Variants in IQCM observed in about 807,000 individuals in gnomAD.
The protein encoded by IQCM is IQ motif containing M, also known as IQ domain-containing protein M.
IQCM carries 45 observed loss-of-function variants against 57.6 expected under a neutral mutation model. That is an observed-to-expected ratio of 0.78 (90% CI 0.62 to 1.00). The LOEUF (loss-of-function observed/expected upper bound fraction) is 1.00. Ranked by LOEUF, IQCM falls within the 50% of genes least tolerant of loss-of-function variation. The probability of loss-of-function intolerance (pLI) is 0.00; values close to 1 mark genes in which losing one functional copy is unlikely to be tolerated. For missense variants in IQCM, 468 were observed against 511.6 expected, an observed-to-expected ratio of 0.91 and a Z score of 0.82; for synonymous variants, 148 against 158.9, an observed-to-expected ratio of 0.93 and a Z score of 0.51.
chr4:149,394,819 T>A (rs1732114620), intron 13 of IQCM, among the ~76,000 whole-genome samples: 1 of 152,052 alleles, frequency 6.6e-6, no homozygotes, highest in Admixed American at 6.6e-5. Context: ...AATCTCTTCA[T>A]CTTGGGGAAA....
At chr4:149,398,286 T>C (rs1732371539) in intron 13 of IQCM, among the ~76,000 whole-genome samples, 1 of 152,030 alleles carries the variant, frequency 6.6e-6, no homozygotes, top group South Asian at 2.1e-4. Flanking sequence ...GTAATATATT[T>C]TGAAGTCAGA....
rs112870130 is a variant in IQCM, at chr4:149,812,501, CAG to C, written c.-49+2808_-49+2809del. 1.7e-3 allele frequency among the ~76,000 whole-genome samples: 241 copies of C among 138,036 alleles called. 1 individual carries two copies. The highest frequency in any genetic ancestry group is 7.2e-3 in the Middle Eastern group (2 of 276). 90.6% of individuals were successfully genotyped at this position (138,036 alleles called of 152,430 possible). On this transcript the variant is annotated intron_variant, in intron 2 of 13. Coordinates refer to ENST00000636793, the MANE Select transcript of IQCM (RefSeq NM_001363507.2). ...TCTCTCACACACACACACACACACACAGACACACACACACACACACACACACA... is the reference window on the plus strand; with the variant it reads ...TCTCTCACACACACACACACACACACACACACACACACACACACACACACA...
chr4:149,420,327 A>G (rs144651219), intron 13 of IQCM, among the ~76,000 whole-genome samples: 4 of 152,020 alleles, frequency 2.6e-5, no homozygotes, highest in Non-Finnish European at 5.9e-5. Context: ...AAGAAACAAG[A>G]TCATGTCCTT....
At chr4:149,512,933 T>A (rs952630653) in intron 12 of IQCM, among the ~76,000 whole-genome samples, 4 of 152,152 alleles carry the variant, frequency 2.6e-5, no homozygotes, top group African/African-American at 9.7e-5. Context: ...AGGCTTATAT[T>A]TGGGTCCATA....
At chr4:149,400,408 T>C (rs1195104846) in intron 13 of IQCM, among the ~76,000 whole-genome samples, 2 of 152,050 alleles carry the variant, frequency 1.3e-5, no homozygotes, top group Non-Finnish European at 2.9e-5. Context: ...ATGACACTAA[T>C]TCTAGATTGT....
intron 12 of IQCM, among the ~76,000 whole-genome samples, chr4:149,491,669 T>C (rs1347478031): frequency 1.3e-5 from 2 of 152,126 alleles, no homozygotes; most frequent in Non-Finnish European, 2.9e-5. Flanking sequence ...TATGGATACT[T>C]AGGTTGATTC....
intron 10 of IQCM, among the ~76,000 whole-genome samples, chr4:149,560,931 CAA>C (rs1393069754): frequency 1.3e-5 from 2 of 152,142 alleles, no homozygotes; most frequent in African/African-American, 4.8e-5. Context: ...AGAAAGTTAT[CAA>C]GAATTCCCCC....
At chr4:149,424,404 G>C (rs771897532) in intron 13 of IQCM, among the ~76,000 whole-genome samples, 10 of 141,656 alleles carry the variant, frequency 7.1e-5, no homozygotes, top group Non-Finnish European at 1.3e-4. Flanking sequence ...TTAAATTGAG[G>C]AATATGGCAT....
chr4:149,477,225 T>C lies in IQCM; in HGVS notation c.1229-43668A>G, dbSNP rs543570670. Among the ~76,000 whole-genome samples the C allele has an allele frequency of 3.9e-5, 6 of 152,326 alleles. No homozygotes were observed. The South Asian group carries it at 1.2e-3, about 32-fold the overall frequency. On this transcript the variant is annotated intron_variant, in intron 12 of 13. Transcript: ENST00000636793. ...CCACCTTTGATAAATCAATTGATGA[T>C]GTTCATTTGGAGCTTATCTTAGACT...
At chr4:149,560,918 A>G (rs1164048997) in intron 10 of IQCM, among the ~76,000 whole-genome samples, 2 of 152,144 alleles carry the variant, frequency 1.3e-5, no homozygotes, top group African/African-American at 4.8e-5. Context: ...CACCCTCTAG[A>G]GCAGAAAGTT....
At chr4:149,446,431 T>A (rs1458388225) in intron 12 of IQCM, among the ~76,000 whole-genome samples, 1 of 151,764 alleles carries the variant, frequency 6.6e-6, no homozygotes, top group Non-Finnish European at 1.5e-5. Flanking sequence ...TTTTGAACAA[T>A]AATAGAAATT....
intron 12 of IQCM, among the ~76,000 whole-genome samples, chr4:149,516,513 T>G (rs903505879): frequency 6.6e-6 from 1 of 152,204 alleles, no homozygotes; most frequent in African/African-American, 2.4e-5. Context: ...GAATGGCCTA[T>G]TGAAGTCACA....
intron 13 of IQCM, among the ~76,000 whole-genome samples, chr4:149,392,634 C>T (rs1731946629): frequency 1.3e-5 from 2 of 151,936 alleles, no homozygotes; most frequent in South Asian, 2.1e-4. Context: ...ACTCCAGACT[C>T]AGAAATTAAT....
chr4:149,645,343 T>C (rs1758544390), intron 7 of IQCM, among the ~76,000 whole-genome samples: 1 of 152,252 alleles, frequency 6.6e-6, no homozygotes, highest in Non-Finnish European at 1.5e-5. Context: ...AGAAATCCTG[T>C]CCTACTGCAA....
intron 12 of IQCM, among the ~76,000 whole-genome samples, chr4:149,540,991 A>C (rs2149876460): frequency 6.6e-6 from 1 of 152,232 alleles, no homozygotes; most frequent in African/African-American, 2.4e-5. Context: ...TTCAGTCTTA[A>C]ATTTTTTCTA....
chr4:149,671,837 G>A (rs536607975), intron 7 of IQCM, among the ~76,000 whole-genome samples: 4 of 152,316 alleles, frequency 2.6e-5, no homozygotes, highest in African/African-American at 9.6e-5. Context: ...ACTGTGATCT[G>A]AGAGACAGTT....
At chr4:149,671,180 G>A (rs888063815) in intron 7 of IQCM, among the ~76,000 whole-genome samples, 3 of 152,068 alleles carry the variant, frequency 2.0e-5, no homozygotes, top group African/African-American at 7.2e-5. Flanking sequence ...GGTCTATTCA[G>A]GGATTCAACT....
chr4:149,517,457 A>G (rs1250492392), intron 12 of IQCM, among the ~76,000 whole-genome samples: 1 of 152,110 alleles, frequency 6.6e-6, no homozygotes, highest in East Asian at 1.9e-4. Flanking sequence ...TGTGCGAAGG[A>G]GAGTTGTATT....
intron 9 of IQCM, among the ~76,000 whole-genome samples, chr4:149,566,997 T>A (rs1298774100): frequency 6.6e-6 from 1 of 152,190 alleles, no homozygotes; most frequent in African/African-American, 2.4e-5. Flanking sequence ...ATTTTAAAAG[T>A]AAAATTAGAA....
Sources: gnomAD v4.1 joint callset for allele counts (sites outside exome capture counted in the v4.1 genomes callset) on GRCh38, gnomAD v4.1.1 for gene constraint, MANE v1.5 for transcripts, NCBI Gene and HGNC (gene_info 2026-07-23, HGNC 2026-07-21) for gene names.